Variants in EPB41 observed in about 807,000 individuals in gnomAD.
The protein encoded by EPB41 is erythrocyte membrane protein band 4.1.
EPB41 carries 65 observed loss-of-function variants against 108.0 expected under a neutral mutation model. The ratio of observed to expected loss-of-function variants is 0.60; its 90% CI spans 0.49 to 0.74. The LOEUF (loss-of-function observed/expected upper bound fraction) is 0.74. EPB41 is among the 30% of genes least tolerant of loss of function. The pLI, the probability that EPB41 is intolerant of heterozygous loss-of-function variation, is 0.00. For synonymous variants in EPB41, 336 were observed against 358.9 expected, an observed-to-expected ratio of 0.94 and a Z score of 0.72; for missense variants, 875 against 1,037.0, an observed-to-expected ratio of 0.84 and a Z score of 2.15.
intron 1 of EPB41, among the ~76,000 whole-genome samples, chr1:28,888,137 A>T (rs1168016883): frequency 6.6e-6 from 1 of 151,758 alleles, no homozygotes; most frequent in Non-Finnish European, 1.5e-5. Flanking sequence ...TGATTCTAGG[A>T]CCCTTAGCTC....
intron 11 of EPB41, among the ~76,000 whole-genome samples, chr1:29,042,589 G>A (rs1641921457): frequency 6.6e-6 from 1 of 151,788 alleles, no homozygotes. Flanking sequence ...AGTGATTCTC[G>A]TACCTCAGCC....
intron 1 of EPB41, chr1:28,893,617 A>AT (rs1205597206): frequency 6.6e-6 from 1 of 152,222 alleles, no homozygotes; most frequent in African/African-American, 2.4e-5. Context: ...GGATTATCAG[A>AT]TTATTGCTGA....
At chr1:28,952,048 T>C (rs964671361) in intron 1 of EPB41, among the ~76,000 whole-genome samples, 4 of 152,122 alleles carry the variant, frequency 2.6e-5, no homozygotes, top group Non-Finnish European at 5.9e-5. Flanking sequence ...CTAATTCATA[T>C]TGGGGATATA....
chr1:28,987,679 G>A lies in EPB41; in HGVS notation c.242G>A (p.Arg81Gln), dbSNP rs775337140. 24 of 1,614,196 alleles carry A rather than the reference G, an allele frequency of 1.5e-5. No individual in the cohort carries two copies. Among genetic ancestry groups the A allele is most frequent in the Middle Eastern group, 1.6e-4 (1 of 6,062 alleles). Residue 81 changes from arginine to glutamine, a missense_variant, in exon 2 of 21, where the codon CGA becomes CAA. This residue lies in a region of EPB41 where 353 missense variants were observed against 393.2 expected (regional missense o/e 0.90). Coordinates refer to ENST00000343067, the MANE Select transcript of EPB41 (RefSeq NM_001376013.1). Reference sequence around the variant, plus strand: ...ACATCAGAAAGCAGAGGACTTTCACGACTATTCTCCTCGTTTCTCAAAAGG... The same window carrying A: ...ACATCAGAAAGCAGAGGACTTTCACAACTATTCTCCTCGTTTCTCAAAAGG... ...ERTSESRGLS[R>Q]LFSSFLKRPK...
At chr1:28,981,871 T>C (rs1426148986) in intron 1 of EPB41, among the ~76,000 whole-genome samples, 7 of 151,014 alleles carry the variant, frequency 4.6e-5, no homozygotes, top group African/African-American at 1.5e-4. Flanking sequence ...TTTATTTTTA[T>C]TATTTTTATT....
At chr1:29,039,849 A>T (rs1640831880) in intron 11 of EPB41, among the ~76,000 whole-genome samples, 1 of 151,946 alleles carries the variant, frequency 6.6e-6, no homozygotes, top group Admixed American at 6.6e-5. Context: ...AATGAAAGGG[A>T]TCTTACTAAT....
At chr1:29,005,849 C>G (rs1385638136) in intron 4 of EPB41, among the ~76,000 whole-genome samples, 1 of 152,192 alleles carries the variant, frequency 6.6e-6, no homozygotes, top group Non-Finnish European at 1.5e-5. Flanking sequence ...AGATCTATAT[C>G]AGGATATTGC....
At chr1:28,982,592 G>C in intron 1 of EPB41, 1 of 1,504,780 alleles carries the variant, frequency 6.6e-7, no homozygotes, top group Non-Finnish European at 9.2e-7. Flanking sequence ...ACCTTCCCAG[G>C]TTTCATGAAC....
chr1:28,943,319 A>T (rs1389093262), intron 1 of EPB41, among the ~76,000 whole-genome samples: 1 of 152,228 alleles, frequency 6.6e-6, no homozygotes, highest in African/African-American at 2.4e-5. Flanking sequence ...GCATATGAAA[A>T]GGTGCTCAAC....
chr1:29,058,132 C>G (rs2150885927), intron 12 of EPB41, among the ~76,000 whole-genome samples: 1 of 152,162 alleles, frequency 6.6e-6, no homozygotes, highest in South Asian at 2.1e-4. Flanking sequence ...TAAAGATTTT[C>G]TTTTTCTTCC....
chr1:29,009,270 C>T (rs2096461782), intron 4 of EPB41, among the ~76,000 whole-genome samples: 1 of 151,830 alleles, frequency 6.6e-6, no homozygotes, highest in African/African-American at 2.4e-5. Flanking sequence ...TTCTTGTACA[C>T]ATTGATTTTT....
At chr1:29,041,643 G>A (rs752199406) in intron 11 of EPB41, among the ~76,000 whole-genome samples, 7 of 150,106 alleles carry the variant, frequency 4.7e-5, no homozygotes, top group East Asian at 1.9e-4. Flanking sequence ...GTGGGACGCC[G>A]TCTCAAAAAA....
intron 7 of EPB41, among the ~76,000 whole-genome samples, chr1:29,028,841 A>C (rs1191077576): frequency 6.6e-6 from 1 of 152,150 alleles, no homozygotes; most frequent in Non-Finnish European, 1.5e-5. Flanking sequence ...TAGGAGTTCA[A>C]GATCAGCCTG....
chr1:28,946,944 A>G (rs2094507244), intron 1 of EPB41, among the ~76,000 whole-genome samples: 1 of 152,242 alleles, frequency 6.6e-6, no homozygotes, highest in African/African-American at 2.4e-5. Context: ...AGAGAAACCT[A>G]CATTATGACT....
chr1:29,086,852 T>C (rs991169651), intron 16 of EPB41, among the ~76,000 whole-genome samples: 2 of 152,042 alleles, frequency 1.3e-5, no homozygotes, highest in Admixed American at 6.6e-5. Context: ...ATGGCTCTTA[T>C]GTAGCAAAAT....
chr1:29,069,118 C>T, intron 16 of EPB41: 1 of 1,205,192 alleles, frequency 8.3e-7, no homozygotes, highest in Non-Finnish European at 1.0e-6. Flanking sequence ...CAAAAATCAT[C>T]ATAATTTTGC....
chr1:28,904,160 C>T (rs571461120), intron 1 of EPB41, among the ~76,000 whole-genome samples: 6 of 151,222 alleles, frequency 4.0e-5, no homozygotes, highest in East Asian at 1.9e-4. Flanking sequence ...TCACCTTGCC[C>T]GGCCCAGCTT....
chr1:28,958,315 G>T (rs1047899372), intron 1 of EPB41, among the ~76,000 whole-genome samples: 6 of 152,098 alleles, frequency 3.9e-5, no homozygotes, highest in Non-Finnish European at 8.8e-5. Context: ...CGGGTATGGT[G>T]GCATGCACCT....
intron 16 of EPB41, among the ~76,000 whole-genome samples, chr1:29,089,646 A>G (rs563202168): frequency 3.5e-4 from 54 of 152,368 alleles, no homozygotes; most frequent in African/African-American, 1.3e-3. Context: ...ACAAAGGCAC[A>G]GAGATAATAG....
Sources: gnomAD v4.1 joint callset for allele counts (sites outside exome capture counted in the v4.1 genomes callset) on GRCh38, gnomAD v4.1.1 for gene constraint, gnomAD v4.1.1 regional missense constraint, MANE v1.5 for transcripts, NCBI Gene and HGNC (gene_info 2026-07-23, HGNC 2026-07-21) for gene names.